The following PIGS variants were observed in gnomAD, a reference collection of about 807,000 sequenced individuals.
PIGS encodes the protein GPI-anchor transamidase component PIGS.
A neutral mutation model predicts 58.2 loss-of-function variants in PIGS; 37 were observed. That is an observed-to-expected ratio of 0.64 (90% CI 0.49 to 0.84). The LOEUF is 0.84. Ranked by LOEUF, PIGS falls within the 40% of genes least tolerant of loss-of-function variation. The pLI is 0.00. For missense variants in PIGS, 629 were observed against 710.8 expected (o/e 0.88, Z 1.31); for synonymous variants, 269 against 289.2 (o/e 0.93, Z 0.71).
Position 28,554,009 on chromosome 17 carries a change from T to C in PIGS, c.*211A>G, listed in dbSNP as rs2151510879. The C allele has an allele frequency of 1.6e-6, 1 of 618,238 alleles. No homozygotes were observed. Among genetic ancestry groups the C allele is most frequent in the East Asian group, 2.9e-5 (1 of 34,480 alleles). The allele number at this position is 618,238 out of a possible 1,614,324, so 38.3% of individuals were successfully genotyped here. A position where few individuals can be genotyped will look rare whatever the true frequency, so the allele number is the denominator to read the frequency against. On this transcript the variant is annotated 3_prime_UTR_variant, in exon 12 of 12. Coordinates refer to ENST00000308360, the MANE Select transcript of PIGS (RefSeq NM_033198.4). ...CGGATGATGTGCCTTTTGAGGCCCC[T>C]GGTGGTGGAGGAGGATTGAGCCAGG...
chr17:28,564,150 C>T (rs1337590600), intron 3 of PIGS, among the ~76,000 whole-genome samples: 3 of 152,350 alleles, frequency 2.0e-5, no homozygotes, highest in South Asian at 2.1e-4. Context: ...CAGCGTGAAA[C>T]GTCTTCCCAC....
chr17:28,566,689 G>A (rs948530898), intron 3 of PIGS, among the ~76,000 whole-genome samples: 2 of 150,548 alleles, frequency 1.3e-5, no homozygotes, highest in African/African-American at 4.9e-5. Context: ...TGCCTCCTAG[G>A]TTCAAGCAAT....
rs200608700 is a variant in PIGS at position 28,554,286 on chromosome 17, G to A, written c.1602C>T (p.Leu534=). ...PLFLPMAVPI[L]LSLVKIFLET... ...CCAGGAAGATCTTGACCAGGGACAG[G>A]AGGATGGGCACAGCCATAGGCAGGA... is the stretch of plus-strand genomic sequence containing the variant. Residue 534 remains leucine, a synonymous_variant, in exon 12 of 12, where the codon CTC becomes CTT. Transcript: ENST00000308360. 1.7e-5 allele frequency: 28 copies of A among 1,614,186 alleles called. No individual in the cohort carries two copies. Among genetic ancestry groups the A allele is most frequent in the Non-Finnish European group, 2.3e-5 (27 of 1,180,014 alleles).
intron 9 of PIGS, chr17:28,556,573 G>A (rs538456161): frequency 2.3e-5 from 16 of 708,544 alleles, no homozygotes; most frequent in South Asian, 1.2e-4. Context: ...CAAATAAGGC[G>A]AAGATCTAAG....
In PIGS at chr17:28,555,039, G is replaced by A. The variant is rs202198474; in HGVS notation, c.1204C>T (p.Pro402Ser). The change falls in exon 11 of 12, where the codon CCC becomes TCC. Residue 402 changes from proline (P) to serine (S), a missense_variant. Pro to Ser is a moderately conservative substitution (Grantham distance 74, BLOSUM62 -1). Coordinates refer to ENST00000308360, the MANE Select transcript of PIGS (RefSeq NM_033198.4). ...AGCAGGCATTTTGGAGGCAGCTGGGGCTGAGCAATCCCAAAGAGCAACCTG... is the reference window on the plus strand; with the variant it reads ...AGCAGGCATTTTGGAGGCAGCTGGGACTGAGCAATCCCAAAGAGCAACCTG... ...QLRLLFGIAQ[P>S]QLPPKCLLSG... is the part of the protein sequence containing the mutation. 46 of 1,612,798 alleles carry A rather than the reference G, an allele frequency of 2.9e-5. No homozygotes were observed. In the Admixed American group the frequency reaches 6.2e-4, roughly 22 times the overall value.
rs530065202 is a variant in PIGS at position 28,564,144 on chromosome 17, G to A, written c.287-237C>T. Among the ~76,000 whole-genome samples, 23 of 152,328 alleles carry A rather than the reference G, an allele frequency of 1.5e-4. No homozygotes were observed. In the South Asian group the frequency reaches 2.9e-3, roughly 19 times the overall value. On this transcript the variant is annotated intron_variant, in intron 3 of 11. Transcript: ENST00000308360. ...CCTCTGCACACACTGGTCCTTCAGC[G>A]TGAAACGTCTTCCCACTGGGAAATC...
At chr17:28,566,300 T>G (rs564437273) in intron 3 of PIGS, among the ~76,000 whole-genome samples, 54 of 146,000 alleles carry the variant, frequency 3.7e-4, no homozygotes, top group Admixed American at 6.2e-4. Context: ...TTTTTTTGGG[T>G]TTTTTTTTGA....
chr17:28,561,755 T>A, intron 5 of PIGS, 126 bp from the exon 6 acceptor site: 1 of 839,620 alleles, frequency 1.2e-6, no homozygotes, highest in East Asian at 2.7e-5. Context: ...TCTCTTGAGA[T>A]TCATGAGCTA....
chr17:28,571,498 C>T lies in PIGS; in HGVS notation c.-2G>A. ...AGCCGCAGCCCCGGCGGCCGCCATG[C>T]TAGCTTCCGGCTGCTCCGGCCACCG... On this transcript the variant is annotated 5_prime_UTR_variant, in exon 1 of 12. Coordinates refer to ENST00000308360, the MANE Select transcript of PIGS (RefSeq NM_033198.4). 1 of 1,606,338 alleles carries T rather than the reference C, an allele frequency of 6.2e-7. No individual in the cohort carries two copies.
chr17:28,567,897 C>T (rs2070402887), intron 3 of PIGS, among the ~76,000 whole-genome samples: 1 of 152,198 alleles, frequency 6.6e-6, no homozygotes, highest in Admixed American at 6.5e-5. Context: ...GCTTTTCCCT[C>T]TGCCAAGATG....
intron 8 of PIGS, 133 bp from the exon 9 acceptor site, chr17:28,557,105 T>C: frequency 3.2e-6 from 3 of 930,458 alleles, no homozygotes; most frequent in Non-Finnish European, 4.9e-6. Flanking sequence ...TATCCTCCTG[T>C]CCAGGGTGTC....
At position 28,555,838 on chromosome 17, in the gene PIGS, C is replaced by T. The variant is rs147998045; in HGVS notation, c.1181+328G>A. The T allele has an allele frequency of 5.2e-3, 1,154 of 220,818 alleles. 9 individuals carry two copies. Among genetic ancestry groups the T allele is most frequent in the African/African-American group, 0.021 (915 of 42,770 alleles). The allele number at this position is 220,818 out of a possible 1,614,324, so 13.7% of individuals were successfully genotyped here. On this transcript the variant is annotated intron_variant, in intron 10 of 11. Transcript: ENST00000308360. ...ACAAAAAATTAGCCAGTTGTGGTGG[C>T]GGGCACCTGTAGTCCCAGCTACTCG...
At chr17:28,556,544 C>A in intron 9 of PIGS, 1 of 720,568 alleles carries the variant, frequency 1.4e-6, no homozygotes, top group South Asian at 1.5e-5. Context: ...ACAAGGCTCC[C>A]AACCTTGCAA....
rs766424215 is a variant in PIGS, at chr17:28,561,525, CT to C, written c.572del (p.Gln191ArgfsTer5). 10 of 1,614,090 alleles carry C rather than the reference CT, an allele frequency of 6.2e-6. No individual in the cohort carries two copies. The highest frequency in any genetic ancestry group is 8.5e-6 in the Non-Finnish European group (10 of 1,179,972). On this transcript the variant is annotated frameshift_variant, in exon 6 of 12. Transcript: ENST00000308360. LOFTEE classifies it high-confidence loss of function. ...GCACATCCTCAGTCAAAGACATGGC[CT>C]GGGCCACCTGGACTATGCGGCGGCC... The part of the protein sequence containing the change: ...IIGRRIVQVA[Q>X]AMSLTEDVLA...
chr17:28,563,880 T>C lies in PIGS; in HGVS notation c.314A>G (p.Gln105Arg). The change falls in exon 4 of 12, where the codon CAG (glutamine) becomes CGG (arginine). Residue 105 changes from glutamine to arginine, a missense_variant. Coordinates refer to ENST00000308360, the MANE Select transcript of PIGS (RefSeq NM_033198.4). ...GTCCAAAGCCCTCCGATAGGCCTTC[T>C]GGAAACGGCATTTGATTTTCATTTT... ...KYKMKIKCRF[Q>R]KAYRRALDHE... 6.2e-7 allele frequency: 1 copy of C among 1,614,144 alleles called. No individual in the cohort carries two copies. The highest frequency in any genetic ancestry group is 8.5e-7 in the Non-Finnish European group (1 of 1,179,974).
intron 3 of PIGS, among the ~76,000 whole-genome samples, chr17:28,569,390 G>T (rs1055608313): frequency 4.0e-5 from 6 of 149,796 alleles, no homozygotes; most frequent in Non-Finnish European, 8.9e-5. Flanking sequence ...TGGGAGGATC[G>T]CTTGAGCCCA....
At chr17:28,557,211 A>C in intron 8 of PIGS, 3 of 490,500 alleles carry the variant, frequency 6.1e-6, no homozygotes, top group Non-Finnish European at 1.1e-5. Context: ...TCCCTCCTCA[A>C]AGGCCCCTTG....
intron 9 of PIGS, 144 bp from the exon 10 acceptor site, chr17:28,556,410 C>G: frequency 1.4e-6 from 1 of 726,020 alleles, no homozygotes; most frequent in Non-Finnish European, 2.5e-6. Context: ...TTTTTGAGTA[C>G]CTACTACGGA....
intron 7 of PIGS, 90 bp from the exon 8 acceptor site, chr17:28,558,680 A>G (rs368518366): frequency 4.8e-6 from 5 of 1,034,140 alleles, no homozygotes; most frequent in African/African-American, 1.6e-5. Flanking sequence ...AAAAGACACA[A>G]TCAGGACAAG....
Sources: allele counts gnomAD v4.1 joint callset (sites outside exome capture counted in the v4.1 genomes callset), GRCh38; gene constraint gnomAD v4.1.1; transcripts MANE v1.5; gene names NCBI Gene and HGNC (gene_info 2026-07-23, HGNC 2026-07-21).